Variants in ENPP3 observed in about 807,000 individuals in gnomAD.
The protein encoded by ENPP3 is ectonucleotide pyrophosphatase/phosphodiesterase family member 3.
In ENPP3, 104 loss-of-function variants were observed where a neutral mutation model predicts 117.8. The ratio of observed to expected loss-of-function variants is 0.88; its 90% CI spans 0.75 to 1.04. The LOEUF is 1.04. ENPP3 is among the 50% of genes least tolerant of loss of function. The pLI is 0.00. For synonymous variants in ENPP3, 380 were observed against 349.9 expected, an observed-to-expected ratio of 1.09 and a Z score of -0.96; for missense variants, 1,026 against 1,051.9, an observed-to-expected ratio of 0.98 and a Z score of 0.34.
At chr6:131,725,972 T>C (rs2114541165) in intron 19 of ENPP3, 74 bp from the exon 20 acceptor site, 1 of 921,302 alleles carries the variant, frequency 1.1e-6, no homozygotes, top group South Asian at 1.5e-5. Flanking sequence ...AGTTATTATA[T>C]GGGTAGTTAT....
Position 131,674,390 on chromosome 6 carries a change from C to T in ENPP3, c.762+109C>T, listed in dbSNP as rs1388359245. 6.4e-6 allele frequency: 7 copies of T among 1,095,576 alleles called. No homozygotes were observed. In the Admixed American group the frequency reaches 1.2e-4, roughly 19 times the overall value. 67.9% of individuals were successfully genotyped at this position (1,095,576 alleles called of 1,614,324 possible). A position where few individuals can be genotyped will look rare whatever the true frequency, so the allele number is the denominator to read the frequency against. Reference sequence around the variant, plus strand: ...AAGTTCTATGTCACCCATCTAGTTTCTAAGGGCTGAGGGTGCAAAGGTGTT... The same window carrying T: ...AAGTTCTATGTCACCCATCTAGTTTTTAAGGGCTGAGGGTGCAAAGGTGTT... On this transcript the variant is annotated intron_variant, in intron 8 of 24. Coordinates refer to ENST00000357639, the MANE Select transcript of ENPP3 (RefSeq NM_005021.5).
At chr6:131,670,427 C>T (rs540406051) in intron 6 of ENPP3, among the ~76,000 whole-genome samples, 2 of 152,316 alleles carry the variant, frequency 1.3e-5, no homozygotes, top group African/African-American at 4.8e-5. Context: ...GTTCACTCTA[C>T]TCGTTTGTGT....
intron 15 of ENPP3, among the ~76,000 whole-genome samples, chr6:131,696,905 G>T (rs1445207324): frequency 6.6e-6 from 1 of 151,910 alleles, no homozygotes; most frequent in Non-Finnish European, 1.5e-5. Flanking sequence ...GAGTAGCTGG[G>T]ACTACAGGCA....
At chr6:131,675,380 A>G (rs1299512704) in intron 9 of ENPP3, 191 bp downstream of exon 9, 6 of 550,588 alleles carry the variant, frequency 1.1e-5, no homozygotes, top group African/African-American at 5.7e-5. Context: ...TTAAAAATCT[A>G]TGTAGCCTGA....
At chr6:131,738,233 C>T (rs2114572530) in intron 23 of ENPP3, 70 bp downstream of exon 23, 1 of 1,267,172 alleles carries the variant, frequency 7.9e-7, no homozygotes, top group Non-Finnish European at 1.1e-6. Flanking sequence ...TTAAGTAAAG[C>T]TCAGTATTTT....
intron 1 of ENPP3, chr6:131,638,338 C>A (rs1777970458): frequency 8.4e-6 from 2 of 239,318 alleles, no homozygotes; most frequent in African/African-American, 4.6e-5. Context: ...AACAATTTAT[C>A]TTTATTCTCA....
At chr6:131,717,185 C>T (rs1779910332) in intron 15 of ENPP3, among the ~76,000 whole-genome samples, 1 of 151,800 alleles carries the variant, frequency 6.6e-6, no homozygotes, top group Non-Finnish European at 1.5e-5. Flanking sequence ...GTGGCCTGGT[C>T]AGATTTGTGA....
intron 10 of ENPP3, 32 bp from the exon 11 acceptor site, chr6:131,677,836 A>G (rs1463888659): frequency 1.5e-6 from 2 of 1,369,016 alleles, no homozygotes; most frequent in East Asian, 2.3e-5. Context: ...TAGCAAATTG[A>G]TAATATATTT....
chr6:131,746,307 A>G (rs575863055), intron 24 of ENPP3, among the ~76,000 whole-genome samples: 5 of 152,294 alleles, frequency 3.3e-5, no homozygotes, highest in Admixed American at 1.3e-4. Context: ...TCACTTAACA[A>G]GACCTAGATA....
chr6:131,656,014 A>G (rs1435107246), intron 5 of ENPP3, among the ~76,000 whole-genome samples: 3 of 152,222 alleles, frequency 2.0e-5, no homozygotes, highest in Admixed American at 6.5e-5. Context: ...GGCTGAAGAC[A>G]TTACATAAAA....
chr6:131,693,911 A>C (rs1246926263), intron 15 of ENPP3, among the ~76,000 whole-genome samples: 1 of 152,236 alleles, frequency 6.6e-6, no homozygotes, highest in Non-Finnish European at 1.5e-5. Context: ...TATGCTGTCC[A>C]TTAAGGCAGC....
intron 5 of ENPP3, among the ~76,000 whole-genome samples, chr6:131,655,500 C>T (rs58509935): frequency 6.6e-6 from 1 of 152,158 alleles, no homozygotes; most frequent in Non-Finnish European, 1.5e-5. Flanking sequence ...TCCCTCAAGT[C>T]ATAGGCTGAG....
intron 22 of ENPP3, 81 bp from the exon 23 acceptor site, chr6:131,737,950 A>T: frequency 1.0e-6 from 1 of 975,692 alleles, no homozygotes; most frequent in Non-Finnish European, 1.5e-6. Context: ...CATGTTATTT[A>T]AATGTACTTG....
chr6:131,643,535 C>G (rs1333903730), intron 2 of ENPP3, among the ~76,000 whole-genome samples: 1 of 152,096 alleles, frequency 6.6e-6, no homozygotes, highest in Non-Finnish European at 1.5e-5. Flanking sequence ...TTGCCAGCAT[C>G]CTTAACATAG....
At chr6:131,732,972 CTG>C (rs1462647451) in intron 20 of ENPP3, among the ~76,000 whole-genome samples, 3 of 151,842 alleles carry the variant, frequency 2.0e-5, no homozygotes, top group Non-Finnish European at 4.4e-5. Flanking sequence ...CGTGATCTGC[CTG>C]CCTCGGCCTC....
chr6:131,733,303 T>G (rs997950589), intron 20 of ENPP3, among the ~76,000 whole-genome samples: 3 of 152,224 alleles, frequency 2.0e-5, no homozygotes, highest in Non-Finnish European at 4.4e-5. Context: ...ATTTTAGTTT[T>G]TAGGAATAGT....
chr6:131,688,659 C>T (rs547506517), intron 14 of ENPP3, among the ~76,000 whole-genome samples: 16 of 152,252 alleles, frequency 1.1e-4, no homozygotes, highest in Admixed American at 2.0e-4. Context: ...CAGAGCAAGA[C>T]GCTAACTCTT....
chr6:131,738,591 G>A (rs1303188273), intron 23 of ENPP3, among the ~76,000 whole-genome samples: 1 of 151,932 alleles, frequency 6.6e-6, no homozygotes, highest in Non-Finnish European at 1.5e-5. Flanking sequence ...TACAAGAATA[G>A]TGAACAGTTC....
At chr6:131,724,712 C>T (rs1032539840) in intron 19 of ENPP3, among the ~76,000 whole-genome samples, 26 of 152,044 alleles carry the variant, frequency 1.7e-4, no homozygotes, top group African/African-American at 3.9e-4. Context: ...AGTAAATGTA[C>T]TAGTTGTTTT....
Sources: allele counts gnomAD v4.1 joint callset (sites outside exome capture counted in the v4.1 genomes callset), GRCh38; gene constraint gnomAD v4.1.1; transcripts MANE v1.5; gene names NCBI Gene and HGNC (gene_info 2026-07-23, HGNC 2026-07-21).